The following PSG11 variants were observed in gnomAD, a reference collection of about 807,000 sequenced individuals.
The protein encoded by PSG11 is pregnancy specific beta-1-glycoprotein 11.
PSG11 carries 42 observed loss-of-function variants against 36.0 expected under a neutral mutation model. The ratio of observed to expected loss-of-function variants is 1.17; its 90% CI spans 0.91 to 1.51. The LOEUF (loss-of-function observed/expected upper bound fraction) is 1.51, where lower values mean the gene tolerates loss of function less well. Among genes scored for constraint, PSG11 ranks in the 40% most tolerant of loss-of-function variants. The pLI, the probability that PSG11 is intolerant of heterozygous loss-of-function variation, is 0.00. For synonymous variants in PSG11, 206 were observed against 153.5 expected, an observed-to-expected ratio of 1.34 and a Z score of -2.53; for missense variants, 558 against 403.5, an observed-to-expected ratio of 1.38 and a Z score of -3.28.
rs1163951709 is a variant in PSG11, at chr19:43,018,817, T to C, written c.662A>G (p.Asn221Ser). ...GTCACTGCGGCTGGCACTCCCTGAG[T>C]TCCATATTTCACATTCATAGGGTCC... The part of the protein sequence containing the change: ...TAGPYECEIW[N>S]SGSASRSDPV... The change falls in exon 3 of 6, where the codon AAC becomes AGC. Residue 221 changes from asparagine (N) to serine (S), a missense_variant. By Grantham distance (46) the Asn-to-Ser change is conservative (BLOSUM62 1). Transcript: ENST00000320078. The C allele has an allele frequency of 6.2e-7, 1 of 1,612,054 alleles. No individual in the cohort carries two copies. The highest frequency in any genetic ancestry group is 1.1e-5 in the South Asian group (1 of 90,834).
Position 43,026,375 on chromosome 19 carries a change from T to G in PSG11, c.-3A>C. The G allele has an allele frequency of 6.2e-7, 1 of 1,609,320 alleles. No homozygotes were observed. Among genetic ancestry groups the G allele is most frequent in the South Asian group, 1.1e-5 (1 of 90,788 alleles). On this transcript the variant is annotated 5_prime_UTR_variant, in exon 1 of 6. Transcript: ENST00000320078. ...GGAGGGGCTGAGAGGGGCCCCATGA[T>G]CTCTGCTGCGTGCATGTTCTCCTCT... is the stretch of plus-strand genomic sequence containing the variant.
intron 2 of PSG11, among the ~76,000 whole-genome samples, chr19:43,022,928 G>T (rs2883536): frequency 1.3e-5 from 2 of 150,742 alleles, no homozygotes; most frequent in East Asian, 3.9e-4. Context: ...AAGGCCTAGG[G>T]GTGGGGGAAG....
intron 4 of PSG11, among the ~76,000 whole-genome samples, chr19:43,013,008 G>A (rs575820946): frequency 6.6e-6 from 1 of 151,390 alleles, no homozygotes; most frequent in Non-Finnish European, 1.5e-5. Context: ...CATCGAGTGT[G>A]CCAAGATCAT....
Position 43,010,044 on chromosome 19 carries a change from G to T in PSG11, c.965-3C>A. On this transcript the variant is annotated splice_polypyrimidine_tract_variant and splice_region_variant and intron_variant, in intron 4 of 5. Coordinates refer to ENST00000320078, the MANE Select transcript of PSG11 (RefSeq NM_002785.3). ...AAAAGTTCCTAATCCTGGAGGAGCT[G>T]TCATGGAAAGAAAAGAAAAGAAGGA... 1 of 1,608,620 alleles carries T rather than the reference G, an allele frequency of 6.2e-7. No individual in the cohort carries two copies. Among genetic ancestry groups the T allele is most frequent in the South Asian group, 1.1e-5 (1 of 90,658 alleles).
chr19:43,024,555 A>G lies in PSG11; in HGVS notation c.430+136T>C. 4.6e-6 allele frequency: 7 copies of G among 1,513,928 alleles called. 1 individual carries two copies. The highest frequency in any genetic ancestry group is 6.3e-6 in the Non-Finnish European group (7 of 1,102,756). 93.8% of individuals were successfully genotyped at this position (1,513,928 alleles called of 1,614,324 possible). A position where few individuals can be genotyped will look rare whatever the true frequency, so the allele number is the denominator to read the frequency against. On this transcript the variant is annotated intron_variant, in intron 2 of 5. Transcript: ENST00000320078. ...TTTGTCTCCTCTGTGTGTGTCCTGC[A>G]CTAAATGCCCAAACCCCAGCATGGG... is the stretch of plus-strand genomic sequence containing the variant.
chr19:43,015,166 T>C lies in PSG11; in HGVS notation c.914A>G (p.Asn305Ser), dbSNP rs369005291. 2 of 1,611,812 alleles carry C rather than the reference T, an allele frequency of 1.2e-6. No homozygotes were observed. The highest frequency in any genetic ancestry group is 1.7e-6 in the Non-Finnish European group (2 of 1,178,834). The change falls in exon 4 of 6, where the codon AAC (asparagine) becomes AGC (serine). Residue 305 changes from asparagine (N) to serine (S), a missense_variant. By Grantham distance (46) the Asn-to-Ser change is conservative (BLOSUM62 1). Transcript: ENST00000320078. ...HNGLYACSARNSATGEESSTS... is the reference protein window; with the variant it reads ...HNGLYACSARSSATGEESSTS... ...GGAGCTTTCCTCGCCAGTGGCTGAG[T>C]TACGAGCAGAGCAAGCATAGAGCCC... is the stretch of plus-strand genomic sequence containing the variant.
chr19:43,016,813 G>A (rs150053854), intron 3 of PSG11, among the ~76,000 whole-genome samples: 4,075 of 151,568 alleles, frequency 0.027, 304 homozygotes, highest in African/African-American at 0.094. Flanking sequence ...TCTGCAGAGG[G>A]CAGGTGAGGA....
chr19:43,018,217 T>G lies in PSG11; in HGVS notation c.709+553A>C, dbSNP rs573883136. The G allele has an allele frequency of 2.2e-4, 37 of 167,970 alleles. No individual in the cohort carries two copies. In the South Asian group the frequency reaches 4.9e-3, roughly 22 times the overall value. 10.4% of individuals were successfully genotyped at this position (167,970 alleles called of 1,614,324 possible). On this transcript the variant is annotated intron_variant, in intron 3 of 5. Coordinates refer to ENST00000320078, the MANE Select transcript of PSG11 (RefSeq NM_002785.3). ...CTATATGTTTTAGTGATTTGGGGTA[T>G]GAAGAACACTTGTGCTGATTGCTGG...
At chr19:43,017,914 A>G (rs1309370767) in intron 3 of PSG11, among the ~76,000 whole-genome samples, 1 of 151,224 alleles carries the variant, frequency 6.6e-6, no homozygotes, top group Non-Finnish European at 1.5e-5. Flanking sequence ...CAGATTGTTC[A>G]TTGTTAGTGT....
chr19:43,010,092 TG>T lies in PSG11; in HGVS notation c.965-52del, dbSNP rs1974035871. 5 of 1,576,788 alleles carry T rather than the reference TG, an allele frequency of 3.2e-6. No individual in the cohort carries two copies. The East Asian group carries it at 9.0e-5, about 28-fold the overall frequency. On this transcript the variant is annotated intron_variant, in intron 4 of 5. Transcript: ENST00000320078. ...GGAATGAAGGTGATGTTATTTTACA[TG>T]GGGGAGCGTCAGGAACAAGCATGTA...
chr19:43,017,854 T>C (rs984418410), intron 3 of PSG11, among the ~76,000 whole-genome samples: 12 of 151,662 alleles, frequency 7.9e-5, no homozygotes, highest in African/African-American at 2.7e-4. Flanking sequence ...CAAAATATTT[T>C]ATTCCTTTTC....
At position 43,024,772 on chromosome 19, in the gene PSG11, C is replaced by A; in HGVS notation, c.349G>T (p.Ala117Ser). ...LLIQNVTREDAGSYTLHIIKR... is the reference protein window; with the variant it reads ...LLIQNVTREDSGSYTLHIIKR... ...ATGATGTGTAAGGTGTAGGATCCTG[C>A]GTCCTCCCGGGTGACATTCTGGATC... Residue 117 changes from alanine to serine, a missense_variant, in exon 2 of 6, where the codon GCA (alanine) becomes TCA (serine). Physicochemically the swap from Ala to Ser is moderately conservative, Grantham distance 99 (BLOSUM62 1). Coordinates refer to ENST00000320078, the MANE Select transcript of PSG11 (RefSeq NM_002785.3). 2 of 1,611,928 alleles carry A rather than the reference C, an allele frequency of 1.2e-6. No homozygotes were observed. The highest frequency in any genetic ancestry group is 1.1e-5 in the South Asian group (1 of 90,812).
chr19:43,015,734 T>TG (rs1966947491), intron 3 of PSG11: 1 of 1,605,308 alleles, frequency 6.2e-7, no homozygotes, highest in African/African-American at 1.3e-5. Flanking sequence ...GGATTTAAGC[T>TG]GGTGTCCTGG....
chr19:43,010,982 T>C (rs1050935831), intron 4 of PSG11, among the ~76,000 whole-genome samples: 4 of 150,714 alleles, frequency 2.7e-5, no homozygotes, highest in Non-Finnish European at 4.4e-5. Context: ...ACTTTACCTG[T>C]ATCTCATTTA....
intron 4 of PSG11, among the ~76,000 whole-genome samples, chr19:43,011,407 C>T (rs2122786405): frequency 6.6e-6 from 1 of 150,698 alleles, no homozygotes; most frequent in South Asian, 2.1e-4. Context: ...CAAACTAAAC[C>T]CAAGCACAGT....
intron 2 of PSG11, chr19:43,024,352 C>T (rs1264963811): frequency 1.3e-5 from 5 of 393,956 alleles, no homozygotes; most frequent in Non-Finnish European, 2.2e-5. Flanking sequence ...AGGGGCCCCT[C>T]AGGTCAAATT....
rs10566441 is a variant in PSG11, at chr19:43,010,890, C to CATATAT, written c.965-855_965-850dup. On this transcript the variant is annotated intron_variant, in intron 4 of 5. Coordinates refer to ENST00000320078, the MANE Select transcript of PSG11 (RefSeq NM_002785.3). ...GTGTTTTATGTGTTACCTCTTTTTC[C>CATATAT]ATATATATATATATATATATATATG... Among the ~76,000 whole-genome samples the CATATAT allele has an allele frequency of 5.0e-3, 698 of 140,422 alleles. 19 individuals carry two copies. Among genetic ancestry groups the CATATAT allele is most frequent in the African/African-American group, 0.016 (597 of 37,600 alleles). 92.1% of individuals were successfully genotyped at this position (140,422 alleles called of 152,430 possible). A position where few individuals can be genotyped will look rare whatever the true frequency, so the allele number is the denominator to read the frequency against.
At chr19:43,023,227 G>A (rs1967147252) in intron 2 of PSG11, among the ~76,000 whole-genome samples, 1 of 150,424 alleles carries the variant, frequency 6.6e-6, no homozygotes, top group African/African-American at 2.5e-5. Flanking sequence ...CAAGGGACAG[G>A]TGTGGCTAGA....
intron 2 of PSG11, chr19:43,024,378 G>C: frequency 2.1e-6 from 1 of 481,912 alleles, no homozygotes; most frequent in African/African-American, 2.0e-5. Context: ...CAGTTCTCCA[G>C]GGTCTTTCTC....
Sources: gnomAD v4.1 joint callset for allele counts (sites outside exome capture counted in the v4.1 genomes callset) on GRCh38, gnomAD v4.1.1 for gene constraint, MANE v1.5 for transcripts, NCBI Gene and HGNC (gene_info 2026-07-23, HGNC 2026-07-21) for gene names.